ATP10D: variants seen among roughly 807,000 people sequenced by gnomAD.
ATP10D encodes ATPase phospholipid transporting 10D (putative).
ATP10D carries 89 observed loss-of-function variants against 144.8 expected under a neutral mutation model. The observed-to-expected ratio is 0.61, with a 90% CI of 0.52 to 0.73. ATP10D has a LOEUF of 0.73. Among genes scored for constraint, ATP10D ranks in the 30% least tolerant of loss-of-function variants. ATP10D has a pLI of 0.00. For missense variants in ATP10D, 1,603 were observed against 1,714.8 expected (o/e 0.93, Z 1.15); for synonymous variants, 571 against 615.1 (o/e 0.93, Z 1.06).
Position 47,592,822 on chromosome 4 carries a change from A to T in ATP10D, c.*1441A>T, listed in dbSNP as rs1157215722. The stretch of plus-strand genomic sequence containing the variant: ...TTTCAAAATCTCACATAGCTAATGG[A>T]AGTTGCTTTCTGCTTTCTTATGACT... On this transcript the variant is annotated 3_prime_UTR_variant, in exon 23 of 23. Transcript: ENST00000273859. 1 of 152,596 alleles carries T rather than the reference A, an allele frequency of 6.6e-6. No homozygotes were observed. Among genetic ancestry groups the T allele is most frequent in the Admixed American group, 6.6e-5 (1 of 15,254 alleles). The allele number at this position is 152,596 out of a possible 1,614,324, so 9.5% of individuals were successfully genotyped here.
chr4:47,500,038 A>G (rs535209683), intron 1 of ATP10D, among the ~76,000 whole-genome samples: 1 of 152,228 alleles, frequency 6.6e-6, no homozygotes, highest in Non-Finnish European at 1.5e-5. Context: ...GGCAGTGTGT[A>G]TAAGATTGTT....
intron 17 of ATP10D, 36 bp from the exon 18 acceptor site, chr4:47,572,836 A>G (rs1720032487): frequency 6.2e-7 from 1 of 1,613,656 alleles, no homozygotes; most frequent in Non-Finnish European, 8.5e-7. Flanking sequence ...ATGTTTGATC[A>G]CTCAGGATGG....
intron 1 of ATP10D, among the ~76,000 whole-genome samples, chr4:47,500,217 G>T (rs1715612369): frequency 6.6e-6 from 1 of 152,236 alleles, no homozygotes; most frequent in Non-Finnish European, 1.5e-5. Context: ...TACGCTGATG[G>T]AGGAGGGAGA....
Position 47,580,481 on chromosome 4 carries a change from G to C in ATP10D, c.3648+3G>C. 6.2e-7 allele frequency: 1 copy of C among 1,607,848 alleles called. No homozygotes were observed. Among genetic ancestry groups the C allele is most frequent in the Non-Finnish European group, 8.5e-7 (1 of 1,174,490 alleles). On this transcript the variant is annotated splice_donor_region_variant and intron_variant, in intron 20 of 22. Transcript: ENST00000273859. ...TCTGCTTCTTTGTGCCTTATTTTGTGAGTCTTTGTTCACTCAGTATATTTG... is the reference window on the plus strand; with the variant it reads ...TCTGCTTCTTTGTGCCTTATTTTGTCAGTCTTTGTTCACTCAGTATATTTG...
intron 1 of ATP10D, among the ~76,000 whole-genome samples, chr4:47,496,717 T>A (rs1334137331): frequency 6.6e-6 from 1 of 151,880 alleles, no homozygotes; most frequent in Admixed American, 6.6e-5. Context: ...TTGAAAATAT[T>A]TTTTTCCTAT....
Position 47,557,683 on chromosome 4 carries a change from G to A in ATP10D, c.1844G>A (p.Gly615Glu), listed in dbSNP as rs1401699385. The change falls in exon 12 of 23, where the codon GGG becomes GAG. Residue 615 changes from glycine (G) to glutamate (E), a missense_variant. Gly to Glu is a moderately conservative substitution (Grantham distance 98, BLOSUM62 -2). Transcript: ENST00000273859. ...PRQKIRHPSL[G>E]GLPIKSLEEI... ...TCATAGATCAGACACCCTTCACTGGGGGGGTTGCCCATTAAGTCTTTGGAA... is the reference window on the plus strand; with the variant it reads ...TCATAGATCAGACACCCTTCACTGGAGGGGTTGCCCATTAAGTCTTTGGAA... 1 of 1,609,852 alleles carries A rather than the reference G, an allele frequency of 6.2e-7. No homozygotes were observed. Among genetic ancestry groups the A allele is most frequent in the Admixed American group, 1.7e-5 (1 of 59,894 alleles).
At chr4:47,576,686 C>A (rs1720260562) in intron 18 of ATP10D, 87 bp from the exon 19 acceptor site, 3 of 1,282,502 alleles carry the variant, frequency 2.3e-6, no homozygotes, top group South Asian at 1.3e-5. Context: ...CTGAGGTCAC[C>A]CAGCTCAAAA....
chr4:47,487,395 T>G (rs1047208484), intron 1 of ATP10D, among the ~76,000 whole-genome samples: 2 of 152,186 alleles, frequency 1.3e-5, no homozygotes, highest in Admixed American at 1.3e-4. Context: ...GTTAAAAAAA[T>G]GTACACATAT....
intron 18 of ATP10D, 108 bp downstream of exon 18, chr4:47,573,105 G>A (rs778171564): frequency 3.7e-5 from 50 of 1,360,192 alleles, no homozygotes; most frequent in Non-Finnish European, 5.0e-5. Flanking sequence ...CCTTATTGAT[G>A]TATTGGGAAC....
rs1553900473 is a variant in ATP10D at position 47,572,661 on chromosome 4, G to GTGTGTA, written c.3241-206_3241-205insATGTGT. 2.6e-5 allele frequency among the ~76,000 whole-genome samples: 4 copies of GTGTGTA among 151,740 alleles called. No individual in the cohort carries two copies. In the East Asian group the frequency reaches 7.8e-4, roughly 29 times the overall value. On this transcript the variant is annotated intron_variant, in intron 17 of 22. Transcript: ENST00000273859. ...TGTGCGCACGTGTGTGTGTGTGTGT[G>GTGTGTA]TGTGTGTGTGTGTGTGTGTTGGATG...
intron 2 of ATP10D, among the ~76,000 whole-genome samples, chr4:47,514,237 A>G (rs1716510134): frequency 6.6e-6 from 1 of 152,238 alleles, no homozygotes; most frequent in Admixed American, 6.5e-5. Context: ...GCTATGTTTA[A>G]AGGACAGATT....
At position 47,557,833 on chromosome 4, in the gene ATP10D, G is replaced by C. The variant is rs146116655; in HGVS notation, c.1994G>C (p.Arg665Pro). The C allele has an allele frequency of 7.4e-6, 12 of 1,614,030 alleles. No homozygotes were observed. The African/African-American group carries it at 1.3e-4, about 18-fold the overall frequency. ...AFVSRLPLFS[R>P]MKPASPVEEE... Reference sequence around the variant, plus strand: ...GTGAGCAGACTCCCTCTCTTTAGTCGAATGAAACCAGCTTCACCTGTGGAG... The same window carrying C: ...GTGAGCAGACTCCCTCTCTTTAGTCCAATGAAACCAGCTTCACCTGTGGAG... The change falls in exon 12 of 23, where the codon CGA (arginine) becomes CCA (proline). Residue 665 changes from arginine (R) to proline (P), a missense_variant. By Grantham distance (103) the Arg-to-Pro change is moderately radical. Coordinates refer to ENST00000273859, the MANE Select transcript of ATP10D (RefSeq NM_020453.4).
intron 18 of ATP10D, among the ~76,000 whole-genome samples, chr4:47,575,733 G>C (rs1289697408): frequency 6.6e-6 from 1 of 152,038 alleles, no homozygotes; most frequent in African/African-American, 2.4e-5. Context: ...AGTCTGTTCA[G>C]GCTGCTGTAA....
Position 47,523,224 on chromosome 4 carries a change from A to C in ATP10D, c.690+8A>C, listed in dbSNP as rs778613634. The C allele has an allele frequency of 1.2e-6, 2 of 1,612,002 alleles. No homozygotes were observed. The highest frequency in any genetic ancestry group is 8.5e-7 in the Non-Finnish European group (1 of 1,178,226). Reference sequence around the variant, plus strand: ...CGGGGATATGCAGAACAGGTAAGTCATATGTTCTCAGTTAGTGGCTTATTA... The same window carrying C: ...CGGGGATATGCAGAACAGGTAAGTCCTATGTTCTCAGTTAGTGGCTTATTA... On this transcript the variant is annotated splice_region_variant and intron_variant, in intron 4 of 22. Coordinates refer to ENST00000273859, the MANE Select transcript of ATP10D (RefSeq NM_020453.4).
rs572364912 is a variant in ATP10D at position 47,569,642 on chromosome 4, C to A, written c.3163+496C>A. Among the ~76,000 whole-genome samples the A allele has an allele frequency of 4.6e-5, 7 of 152,146 alleles. No individual in the cohort carries two copies. The South Asian group carries it at 1.2e-3, about 27-fold the overall frequency. On this transcript the variant is annotated intron_variant, in intron 16 of 22. Coordinates refer to ENST00000273859, the MANE Select transcript of ATP10D (RefSeq NM_020453.4). ...AACTTACATCTAGTAGGAAGGCATG[C>A]AGTAAAACAAAGCATAAATCTGTAA...
chr4:47,554,944 T>A (rs2109444127), intron 11 of ATP10D, 30 bp downstream of exon 11: 1 of 1,593,850 alleles, frequency 6.3e-7, no homozygotes, highest in Non-Finnish European at 8.6e-7. Context: ...CAAACAAGGG[T>A]CACTTTCCAG....
chr4:47,568,925 A>G lies in ATP10D; in HGVS notation c.2942A>G (p.Asp981Gly), dbSNP rs1000995997. The change falls in exon 16 of 23, where the codon GAT becomes GGT. Residue 981 changes from aspartate to glycine, a missense_variant. By Grantham distance (94) the Asp-to-Gly change is moderately conservative. Coordinates refer to ENST00000273859, the MANE Select transcript of ATP10D (RefSeq NM_020453.4). Reference protein sequence around the residue: ...ALPEQVSLSEDLLQPPVPRDS... With the variant: ...ALPEQVSLSEGLLQPPVPRDS... The stretch of plus-strand genomic sequence containing the variant: ...CCAGAGCAAGTGTCATTAAGTGAAG[A>G]TTTACTTCAGCCTCCTGTCCCCCGG... 3 of 1,614,098 alleles carry G rather than the reference A, an allele frequency of 1.9e-6. No homozygotes were observed. The highest frequency in any genetic ancestry group is 2.5e-6 in the Non-Finnish European group (3 of 1,180,028).
intron 1 of ATP10D, among the ~76,000 whole-genome samples, chr4:47,502,307 T>C (rs1048033623): frequency 1.3e-5 from 2 of 152,010 alleles, no homozygotes; most frequent in Non-Finnish European, 2.9e-5. Context: ...CCGTCTCTAC[T>C]AAAAATGCAA....
intron 2 of ATP10D, among the ~76,000 whole-genome samples, chr4:47,513,946 A>C (rs1290488667): frequency 6.6e-6 from 1 of 152,228 alleles, no homozygotes; most frequent in Non-Finnish European, 1.5e-5. Context: ...AATGAAAAGA[A>C]GGGTGATCTC....
Sources: gnomAD v4.1 joint callset for allele counts (sites outside exome capture counted in the v4.1 genomes callset) on GRCh38, gnomAD v4.1.1 for gene constraint, MANE v1.5 for transcripts, NCBI Gene and HGNC (gene_info 2026-07-23, HGNC 2026-07-21) for gene names.